The following ARHGAP22 variants were observed in gnomAD, a reference collection of about 807,000 sequenced individuals.
ARHGAP22 encodes the protein Rho GTPase activating protein 22, also known as rho GTPase-activating protein 22.
Under a neutral mutation model 59.1 loss-of-function variants are expected in ARHGAP22, and 48 were observed. That is an observed-to-expected ratio of 0.81 (90% CI 0.64 to 1.03). The LOEUF is 1.03. Among genes scored for constraint, ARHGAP22 ranks in the 50% least tolerant of loss-of-function variants. The probability of loss-of-function intolerance (pLI) is 0.00; values close to 1 mark genes in which losing one functional copy is unlikely to be tolerated. For missense variants in ARHGAP22, 1,015 were observed against 958.7 expected, an observed-to-expected ratio of 1.06 and a Z score of -0.78; for synonymous variants, 445 against 416.4, an observed-to-expected ratio of 1.07 and a Z score of -0.84.
At chr10:48,552,125 A>G (rs1394849651) in intron 3 of ARHGAP22, among the ~76,000 whole-genome samples, 1 of 152,280 alleles carries the variant, frequency 6.6e-6, no homozygotes, top group African/African-American at 2.4e-5. Flanking sequence ...AAATAGAACT[A>G]TGGCTTAAAA....
At chr10:48,492,684 G>C (rs1200645322) in intron 3 of ARHGAP22, among the ~76,000 whole-genome samples, 1 of 152,000 alleles carries the variant, frequency 6.6e-6, no homozygotes, top group African/African-American at 2.4e-5. Context: ...CTCCCGAGTA[G>C]CTGGGATTAT....
intron 2 of ARHGAP22, among the ~76,000 whole-genome samples, chr10:48,558,312 A>G (rs2057439841): frequency 6.6e-6 from 1 of 151,538 alleles, no homozygotes; most frequent in Non-Finnish European, 1.5e-5. Context: ...ACTATAACTT[A>G]TTTATCAGTA....
At chr10:48,642,032 G>C (rs1267204100) in intron 1 of ARHGAP22, among the ~76,000 whole-genome samples, 1 of 152,150 alleles carries the variant, frequency 6.6e-6, no homozygotes, top group Admixed American at 6.5e-5. Flanking sequence ...GCTTACAAGG[G>C]ATGTGAAGGT....
chr10:48,492,393 CA>C (rs1172328861), intron 3 of ARHGAP22, among the ~76,000 whole-genome samples: 6 of 152,136 alleles, frequency 3.9e-5, no homozygotes, highest in Non-Finnish European at 8.8e-5. Flanking sequence ...AGCTGGGTGT[CA>C]GGGGTGAAGG....
chr10:48,450,341 G>A lies in ARHGAP22; in HGVS notation c.1788C>T (p.Ser596=), dbSNP rs747420218. ...CAGTGACCAGCCCCTGTAAGGCCTC[G>A]GAGCGGCGCGCGTGTTCCCGGGTGG... ...DSPTREHARR[S]EALQGLVTEL... The change falls in exon 9 of 10, where the codon TCC becomes TCT. Residue 596 remains serine, a synonymous_variant. Coordinates refer to ENST00000249601, the MANE Select transcript of ARHGAP22 (RefSeq NM_021226.4). 2.5e-6 allele frequency: 4 copies of A among 1,596,514 alleles called. No individual in the cohort carries two copies. The highest frequency in any genetic ancestry group is 1.1e-5 in the South Asian group (1 of 88,410).
upstream of ARHGAP22, among the ~76,000 whole-genome samples, chr10:48,655,081 TC>T (rs1565070227): frequency 3.6e-4 from 17 of 46,816 alleles, 4 homozygotes; most frequent in Non-Finnish European, 7.1e-4. Flanking sequence ...TCTCTTCTCT[TC>T]TCTTCTCTTC....
At chr10:48,631,509 C>T (rs1055216491) in intron 1 of ARHGAP22, among the ~76,000 whole-genome samples, 7 of 152,090 alleles carry the variant, frequency 4.6e-5, no homozygotes, top group Non-Finnish European at 8.8e-5. Context: ...TGATATATTT[C>T]TCCTTGGGAT....
upstream of ARHGAP22, among the ~76,000 whole-genome samples, chr10:48,654,396 C>G (rs1270926535): frequency 1.3e-5 from 2 of 152,272 alleles, no homozygotes; most frequent in East Asian, 3.8e-4. Flanking sequence ...CTCTCCCAAA[C>G]ATCTCTTCTT....
upstream of ARHGAP22, among the ~76,000 whole-genome samples, chr10:48,608,571 A>C (rs1054810220): frequency 1.3e-5 from 2 of 152,144 alleles, no homozygotes; most frequent in South Asian, 4.1e-4. Context: ...CCCAGGGGTC[A>C]CCAGCACCTG....
intron 2 of ARHGAP22, 134 bp downstream of exon 2, chr10:48,582,818 CT>C: frequency 9.7e-7 from 1 of 1,028,676 alleles, no homozygotes; most frequent in Non-Finnish European, 1.4e-6. Flanking sequence ...ATGAAAATTA[CT>C]TTGGAAATCC....
At chr10:48,483,507 T>C (rs1350326670) in intron 3 of ARHGAP22, among the ~76,000 whole-genome samples, 1 of 152,222 alleles carries the variant, frequency 6.6e-6, no homozygotes, top group African/African-American at 2.4e-5. Flanking sequence ...ATGACTGTGT[T>C]AATTTACATT....
chr10:48,493,402 C>T (rs9663545), intron 3 of ARHGAP22: 507,743 of 1,522,164 alleles, frequency 0.33, 89,073 homozygotes, highest in Middle Eastern at 0.45. Flanking sequence ...CCAGCCTGGT[C>T]CTCACAGCCT....
At chr10:48,434,993 A>G in the ARHGAP22 span, 2 of 1,472,632 alleles carry the variant, frequency 1.4e-6, no homozygotes, top group Non-Finnish European at 1.8e-6. Context: ...ACAGCAGTCT[A>G]GAAGCAGCAG....
At chr10:48,451,678 A>G in intron 8 of ARHGAP22, 2 of 583,948 alleles carry the variant, frequency 3.4e-6, no homozygotes, top group Non-Finnish European at 6.1e-6. Context: ...ACCCCCCACA[A>G]TCACACGTAC....
chr10:48,443,084 G>T (rs1370631015), downstream of ARHGAP22, among the ~76,000 whole-genome samples: 1 of 152,110 alleles, frequency 6.6e-6, no homozygotes, highest in African/African-American at 2.4e-5. Context: ...CACAAAAGCT[G>T]GGGGATGCTA....
chr10:48,464,925 CT>C (rs2047502543), intron 4 of ARHGAP22, among the ~76,000 whole-genome samples: 1 of 152,028 alleles, frequency 6.6e-6, no homozygotes, highest in African/African-American at 2.4e-5. Context: ...CTGCCAGGAG[CT>C]GTGAGGTCTC....
chr10:48,625,795 G>T (rs952783570), intron 1 of ARHGAP22, among the ~76,000 whole-genome samples: 5 of 151,898 alleles, frequency 3.3e-5, no homozygotes, highest in Admixed American at 6.6e-5. Flanking sequence ...GGGAAGATCT[G>T]AATGTGCCTC....
intron 1 of ARHGAP22, chr10:48,624,252 C>T (rs1461158425): frequency 6.6e-6 from 1 of 152,232 alleles, no homozygotes; most frequent in Non-Finnish European, 1.5e-5. Flanking sequence ...CTACTCTGAC[C>T]AACATGGTGA....
At chr10:48,583,825 TTGG>T (rs1224765246) in intron 1 of ARHGAP22, among the ~76,000 whole-genome samples, 1 of 152,178 alleles carries the variant, frequency 6.6e-6, no homozygotes, top group Non-Finnish European at 1.5e-5. Flanking sequence ...CTGTGCCTTG[TTGG>T]TGGCTTCCTG....
Sources: gnomAD v4.1 joint callset for allele counts (sites outside exome capture counted in the v4.1 genomes callset) on GRCh38, gnomAD v4.1.1 for gene constraint, MANE v1.5 for transcripts, NCBI Gene and HGNC (gene_info 2026-07-23, HGNC 2026-07-21) for gene names.